Variants in WDR53 observed in about 807,000 individuals in gnomAD.
WDR53 encodes WD repeat domain 53.
In WDR53, 19 loss-of-function variants were observed where a neutral mutation model predicts 21.3. The ratio of observed to expected loss-of-function variants is 0.89; its 90% CI spans 0.62 to 1.31. The LOEUF (loss-of-function observed/expected upper bound fraction) is 1.31. Ranked by LOEUF, WDR53 falls within the 50% of genes most tolerant of loss-of-function variation. The pLI, the probability that WDR53 is intolerant of heterozygous loss-of-function variation, is 0.00. For synonymous variants in WDR53, 157 were observed against 163.4 expected, an observed-to-expected ratio of 0.96 and a Z score of 0.30; for missense variants, 374 against 423.2, an observed-to-expected ratio of 0.88 and a Z score of 1.02.
At chr3:196,566,175 C>G (rs1735375562) in intron 2 of WDR53, among the ~76,000 whole-genome samples, 1 of 152,074 alleles carries the variant, frequency 6.6e-6, no homozygotes, top group South Asian at 2.1e-4. Context: ...CTGCAACTTC[C>G]ACCTTCGGGG....
chr3:196,554,354 G>A lies in WDR53; in HGVS notation c.934C>T (p.His312Tyr). The change falls in exon 4 of 4, where the codon CAT becomes TAT. Residue 312 changes from histidine to tyrosine, a missense_variant. His to Tyr is a moderately conservative substitution (Grantham distance 83). Transcript: ENST00000332629. ...TTTAGCTTTGGTAAAATGTTGCCAT[G>A]TTCTTCCTCATCTGTTACTGAAGCG... ...TNASVTDEEE[H>Y]GNILPKLNIE... is the part of the protein sequence containing the mutation. 6.2e-7 allele frequency: 1 copy of A among 1,614,076 alleles called. No individual in the cohort carries two copies. The highest frequency in any genetic ancestry group is 8.5e-7 in the Non-Finnish European group (1 of 1,180,014).
At chr3:196,561,759 T>C (rs74445713) in intron 2 of WDR53, among the ~76,000 whole-genome samples, 2 of 152,136 alleles carry the variant, frequency 1.3e-5, no homozygotes, top group African/African-American at 4.8e-5. Context: ...CAGTCTTTCA[T>C]ATGGAACCCA....
intron 3 of WDR53, among the ~76,000 whole-genome samples, chr3:196,560,058 G>A (rs1446945000): frequency 2.0e-5 from 3 of 152,072 alleles, no homozygotes; most frequent in South Asian, 4.1e-4. Flanking sequence ...ATTTGAAAAC[G>A]TTTACATTAA....
At chr3:196,564,379 AT>A (rs1206740565) in intron 2 of WDR53, among the ~76,000 whole-genome samples, 3 of 119,192 alleles carry the variant, frequency 2.5e-5, no homozygotes, top group South Asian at 3.0e-4. Flanking sequence ...AACGATTTCA[AT>A]TTTTTTTCTT....
chr3:196,565,913 C>G (rs76520944), intron 2 of WDR53, among the ~76,000 whole-genome samples: 3,792 of 152,302 alleles, frequency 0.025, 142 homozygotes, highest in African/African-American at 0.087. Flanking sequence ...TGAAGTGTCA[C>G]CATCCCCACA....
At chr3:196,555,070 T>C (rs1309544423) in intron 3 of WDR53, among the ~76,000 whole-genome samples, 2 of 152,204 alleles carry the variant, frequency 1.3e-5, no homozygotes, top group Non-Finnish European at 2.9e-5. Context: ...TAAAGTGTAA[T>C]TGTTAAGCAG....
chr3:196,557,151 T>C (rs908154800), intron 3 of WDR53, among the ~76,000 whole-genome samples: 1 of 152,214 alleles, frequency 6.6e-6, no homozygotes, highest in Non-Finnish European at 1.5e-5. Context: ...CCAGCAAATG[T>C]TCAGAAGTGA....
Position 196,554,446 on chromosome 3 carries a change from G to A in WDR53, c.842C>T (p.Pro281Leu), listed in dbSNP as rs745817712. 2 of 1,613,992 alleles carry A rather than the reference G, an allele frequency of 1.2e-6. No homozygotes were observed. The highest frequency in any genetic ancestry group is 1.7e-5 in the Admixed American group (1 of 59,986). Residue 281 changes from proline to leucine, a missense_variant, in exon 4 of 4, where the codon CCC becomes CTC. Coordinates refer to ENST00000332629, the MANE Select transcript of WDR53 (RefSeq NM_182627.3). Reference sequence around the variant, plus strand: ...TTTCTTCCTGTGGGTACGTTTTGTGGGACTCTTCTGTTTTTTCTCAACTTC... The same window carrying A: ...TTTCTTCCTGTGGGTACGTTTTGTGAGACTCTTCTGTTTTTTCTCAACTTC... The part of the protein sequence containing the change: ...NSEVEKKQKS[P>L]TKRTHRKKPK...
chr3:196,567,544 T>C (rs989932011), intron 1 of WDR53, among the ~76,000 whole-genome samples: 2 of 152,220 alleles, frequency 1.3e-5, no homozygotes, highest in African/African-American at 4.8e-5. Flanking sequence ...CTGTGAACCC[T>C]ATTATTTTAA....
Position 196,566,939 on chromosome 3 carries a change from G to C in WDR53, c.-79C>G, listed in dbSNP as rs1735460595. On this transcript the variant is annotated 5_prime_UTR_variant, in exon 2 of 4. Coordinates refer to ENST00000332629, the MANE Select transcript of WDR53 (RefSeq NM_182627.3). Reference sequence around the variant, plus strand: ...CCGTTGAAAGTCACCTCAGCGGCTGGACTAGATTAGTAAGAATGACAACAT... The same window carrying C: ...CCGTTGAAAGTCACCTCAGCGGCTGCACTAGATTAGTAAGAATGACAACAT... 1.3e-5 allele frequency: 3 copies of C among 234,636 alleles called. No individual in the cohort carries two copies. The highest frequency in any genetic ancestry group is 2.6e-5 in the Non-Finnish European group (3 of 114,666). 14.5% of individuals were successfully genotyped at this position (234,636 alleles called of 1,614,324 possible).
rs1190860665 is a variant in WDR53, at chr3:196,554,783, C to T, written c.505G>A (p.Ala169Thr). Residue 169 changes from alanine to threonine, a missense_variant, in exon 4 of 4, where the codon GCC (alanine) becomes ACC (threonine). Physicochemically the swap from Ala to Thr is moderately conservative, Grantham distance 58. Transcript: ENST00000332629. ...AAATTTGTAATCCAGAGTGGTCGGG[C>T]TTTTTGAAGACTCCACAGCATCACC... ...MQVMLWSLQKARPLWITNLQE... is the reference protein window; with the variant it reads ...MQVMLWSLQKTRPLWITNLQE... 6.2e-7 allele frequency: 1 copy of T among 1,613,750 alleles called. No homozygotes were observed. Among genetic ancestry groups the T allele is most frequent in the Non-Finnish European group, 8.5e-7 (1 of 1,179,954 alleles).
intron 3 of WDR53, among the ~76,000 whole-genome samples, chr3:196,555,402 T>TA (rs1734233660): frequency 6.6e-6 from 1 of 152,228 alleles, no homozygotes; most frequent in African/African-American, 2.4e-5. Context: ...TCTTGAGACT[T>TA]ACTTAGTCTT....
intron 3 of WDR53, among the ~76,000 whole-genome samples, chr3:196,555,421 C>A (rs898260201): frequency 6.6e-6 from 1 of 152,170 alleles, no homozygotes; most frequent in Non-Finnish European, 1.5e-5. Flanking sequence ...TTTGCTAATG[C>A]CTAGCATAAT....
At chr3:196,564,866 CCT>C (rs909237334) in intron 2 of WDR53, among the ~76,000 whole-genome samples, 4 of 152,086 alleles carry the variant, frequency 2.6e-5, no homozygotes, top group Non-Finnish European at 5.9e-5. Context: ...TTCTAGTGCT[CCT>C]GTTTCTCCAT....
intron 1 of WDR53, among the ~76,000 whole-genome samples, chr3:196,568,279 C>T (rs551856219): frequency 3.9e-5 from 6 of 152,236 alleles, no homozygotes; most frequent in East Asian, 1.9e-4. Flanking sequence ...AGACGGCCTC[C>T]GCTGCCCAAG....
chr3:196,554,290 G>C lies in WDR53; in HGVS notation c.998C>G (p.Thr333Arg). Reference protein sequence around the residue: ...HGEKVNWLLGTKIKGHQNILV... With the variant: ...HGEKVNWLLGRKIKGHQNILV... Reference sequence around the variant, plus strand: ...TATATTTTGGTGTCCCTTTATTTTTGTACCCAAGAGCCAGTTCACTTTTTC... The same window carrying C: ...TATATTTTGGTGTCCCTTTATTTTTCTACCCAAGAGCCAGTTCACTTTTTC... The change falls in exon 4 of 4, where the codon ACA becomes AGA. Residue 333 changes from threonine (T) to arginine (R), a missense_variant. Physicochemically the swap from Thr to Arg is moderately conservative, Grantham distance 71. Transcript: ENST00000332629. 6.2e-7 allele frequency: 1 copy of C among 1,613,884 alleles called. No homozygotes were observed. Among genetic ancestry groups the C allele is most frequent in the South Asian group, 1.1e-5 (1 of 91,074 alleles).
At position 196,561,090 on chromosome 3, in the gene WDR53, A is replaced by G. The variant is rs1251449286; in HGVS notation, c.386T>C (p.Ile129Thr). Residue 129 changes from isoleucine (I) to threonine (T), a missense_variant, in exon 3 of 4, where the codon ATC (isoleucine) becomes ACC (threonine). Coordinates refer to ENST00000332629, the MANE Select transcript of WDR53 (RefSeq NM_182627.3). ...ATTGGAATGTCTCTTCAAGGATCTG[A>G]TAACTTTCTTGTTTTCCAAGTCTAG... ...KILDLENKKV[I>T]RSLKRHSNIC... 3 of 1,614,252 alleles carry G rather than the reference A, an allele frequency of 1.9e-6. No individual in the cohort carries two copies. In the Admixed American group the frequency reaches 5.0e-5, roughly 27 times the overall value.
chr3:196,567,846 T>G (rs2137193), intron 1 of WDR53, among the ~76,000 whole-genome samples: 59,930 of 151,198 alleles, frequency 0.4, 12,360 homozygotes, highest in Middle Eastern at 0.51. Flanking sequence ...ACGGTTCACC[T>G]CAGCCTCGAC....
At chr3:196,563,705 G>T (rs1735098197) in intron 2 of WDR53, among the ~76,000 whole-genome samples, 1 of 152,080 alleles carries the variant, frequency 6.6e-6, no homozygotes, top group Non-Finnish European at 1.5e-5. Flanking sequence ...CCAAGTAGCT[G>T]AGATTATAGA....
Sources: gnomAD v4.1 joint callset for allele counts (sites outside exome capture counted in the v4.1 genomes callset) on GRCh38, gnomAD v4.1.1 for gene constraint, MANE v1.5 for transcripts, NCBI Gene and HGNC (gene_info 2026-07-23, HGNC 2026-07-21) for gene names.